HHLA1: variants seen among roughly 807,000 people sequenced by gnomAD.
HHLA1 encodes the protein HHLA1 neighbor of OC90.
A neutral mutation model predicts 69.9 loss-of-function variants in HHLA1; 72 were observed. That is an observed-to-expected ratio of 1.03 (90% CI 0.85 to 1.25). The LOEUF is 1.25. Ranked by LOEUF, HHLA1 falls within the 50% of genes most tolerant of loss-of-function variation. The pLI, the probability that HHLA1 is intolerant of heterozygous loss-of-function variation, is 0.00. For synonymous variants in HHLA1, 252 were observed against 233.2 expected (o/e 1.08, Z -0.73); for missense variants, 685 against 642.2 (o/e 1.07, Z -0.72).
At chr8:132,088,920 A>G (rs949921430) in intron 8 of HHLA1, among the ~76,000 whole-genome samples, 1 of 152,148 alleles carries the variant, frequency 6.6e-6, no homozygotes, top group Non-Finnish European at 1.5e-5. Flanking sequence ...AGCTGTTACT[A>G]TTTCTCTTTC....
intron 1 of HHLA1, among the ~76,000 whole-genome samples, chr8:132,105,509 G>A (rs1824189815): frequency 6.6e-6 from 1 of 152,126 alleles, no homozygotes; most frequent in Non-Finnish European, 1.5e-5. Context: ...CATTTTGGTG[G>A]GGAGCTCTGC....
intron 15 of HHLA1, among the ~76,000 whole-genome samples, chr8:132,067,937 C>T (rs1264426574): frequency 6.6e-6 from 1 of 152,218 alleles, no homozygotes; most frequent in Non-Finnish European, 1.5e-5. Context: ...TCAAGCCCTG[C>T]CCTCTCTATA....
intron 1 of HHLA1, among the ~76,000 whole-genome samples, chr8:132,106,031 T>C (rs1322104436): frequency 1.3e-5 from 2 of 152,222 alleles, no homozygotes; most frequent in Non-Finnish European, 2.9e-5. Context: ...TATTGAGCAC[T>C]TTCTGTGTGC....
intron 10 of HHLA1, among the ~76,000 whole-genome samples, chr8:132,087,367 C>T (rs1352698431): frequency 6.6e-6 from 1 of 152,002 alleles, no homozygotes; most frequent in Non-Finnish European, 1.5e-5. Context: ...AGGGGGCAGA[C>T]AGGACTATGG....
At chr8:132,072,332 A>G (rs1375564351) in intron 14 of HHLA1, among the ~76,000 whole-genome samples, 1 of 152,202 alleles carries the variant, frequency 6.6e-6, no homozygotes, top group Non-Finnish European at 1.5e-5. Flanking sequence ...TCCCTATCAT[A>G]TAGAATGACT....
At chr8:132,092,868 T>C (rs1382144738) in intron 7 of HHLA1, among the ~76,000 whole-genome samples, 1 of 152,202 alleles carries the variant, frequency 6.6e-6, no homozygotes, top group African/African-American at 2.4e-5. Flanking sequence ...CCTTAGGCTA[T>C]GAGAACACAG....
chr8:132,110,457 T>C (rs1235686786), intron 1 of HHLA1, among the ~76,000 whole-genome samples: 1 of 152,202 alleles, frequency 6.6e-6, no homozygotes, highest in Non-Finnish European at 1.5e-5. Context: ...AAAAAATACC[T>C]AATGACAGAA....
chr8:132,101,337 C>T (rs1414806377), intron 3 of HHLA1: 95 of 1,523,518 alleles, frequency 6.2e-5, no homozygotes, highest in Non-Finnish European at 8.1e-5. Flanking sequence ...CAGTTCATAA[C>T]ATCCTTAGAA....
Position 132,079,752 on chromosome 8 carries a change from T to A in HHLA1, c.891A>T (p.Thr297=). Residue 297 remains threonine (T), a synonymous_variant, in exon 11 of 17, where the codon ACA becomes ACT. Coordinates refer to ENST00000414222, the MANE Select transcript of HHLA1 (RefSeq NM_001145095.3). ...GGAGAGTGTGGGAGGCACTGAACCATGTGGCTGTGGCCCTGGCTGGAAGCT... is the reference window on the plus strand; with the variant it reads ...GGAGAGTGTGGGAGGCACTGAACCAAGTGGCTGTGGCCCTGGCTGGAAGCT... ...PPELPARATA[T]WFSASHTLPA... 10 of 1,551,398 alleles carry A rather than the reference T, an allele frequency of 6.4e-6. No individual in the cohort carries two copies. Among genetic ancestry groups the A allele is most frequent in the Non-Finnish European group, 8.7e-6 (10 of 1,146,850 alleles).
At chr8:132,085,517 G>A (rs1017568285) in intron 10 of HHLA1, 26 of 346,332 alleles carry the variant, frequency 7.5e-5, no homozygotes, top group Middle Eastern at 9.4e-4. Flanking sequence ...GATTTCCCAA[G>A]GGAGGTCCCC....
At chr8:132,090,943 TAGAGAC>T (rs1172221590) in intron 7 of HHLA1, among the ~76,000 whole-genome samples, 2 of 152,064 alleles carry the variant, frequency 1.3e-5, no homozygotes, top group East Asian at 3.9e-4. Context: ...GTATTTTTAG[TAGAGAC>T]AGGGTTTCAC....
At chr8:132,088,346 A>C (rs553857422) in intron 8 of HHLA1, among the ~76,000 whole-genome samples, 1 of 152,244 alleles carries the variant, frequency 6.6e-6, no homozygotes, top group Non-Finnish European at 1.5e-5. Flanking sequence ...GTTTTTATCT[A>C]TCCTACTTAG....
chr8:132,101,337 C>A, intron 3 of HHLA1: 1 of 1,523,634 alleles, frequency 6.6e-7, no homozygotes, highest in South Asian at 1.3e-5. Flanking sequence ...CAGTTCATAA[C>A]ATCCTTAGAA....
Position 132,079,848 on chromosome 8 carries a change from T to A in HHLA1, c.795A>T (p.Arg265Ser), listed in dbSNP as rs767644643. The change falls in exon 11 of 17, where the codon AGA becomes AGT. Residue 265 changes from arginine to serine, a missense_variant. By Grantham distance (110) the Arg-to-Ser change is moderately radical (BLOSUM62 -1). Coordinates refer to ENST00000414222, the MANE Select transcript of HHLA1 (RefSeq NM_001145095.3). Reference sequence around the variant, plus strand: ...CAGCTGTCTCTGTCCAGGGAGAGGATCTCAGAGCAGATGCCCAGGGTGTGC... The same window carrying A: ...CAGCTGTCTCTGTCCAGGGAGAGGAACTCAGAGCAGATGCCCAGGGTGTGC... The part of the protein sequence containing the change: ...TQSTPWASAL[R>S]SSPWTETAAP... 1.3e-6 allele frequency: 2 copies of A among 1,551,914 alleles called. No homozygotes were observed. The highest frequency in any genetic ancestry group is 8.7e-7 in the Non-Finnish European group (1 of 1,147,040).
At chr8:132,100,177 A>G (rs974352597) in intron 3 of HHLA1, 43 bp from the exon 4 acceptor site, 27 of 1,397,798 alleles carry the variant, frequency 1.9e-5, no homozygotes, top group African/African-American at 4.3e-5. Flanking sequence ...TGAGTGGTCC[A>G]GTTCCTACCC....
intron 5 of HHLA1, among the ~76,000 whole-genome samples, 183 bp downstream of exon 5, chr8:132,098,699 C>A (rs1321841528): frequency 1.3e-5 from 2 of 151,906 alleles, no homozygotes; most frequent in East Asian, 3.9e-4. Context: ...TGAGCTCAAG[C>A]AGCTTCCCAA....
intron 8 of HHLA1, 113 bp downstream of exon 8, chr8:132,089,403 C>T: frequency 1.4e-6 from 1 of 696,132 alleles, no homozygotes. Context: ...ATGAACGTTT[C>T]TGGCAGCCTG....
intron 1 of HHLA1, among the ~76,000 whole-genome samples, chr8:132,107,980 G>C (rs117420799): frequency 6.6e-6 from 1 of 152,248 alleles, no homozygotes; most frequent in Non-Finnish European, 1.5e-5. Context: ...TGGGTTTAAG[G>C]TCAGACAGAT....
At position 132,081,282 on chromosome 8, in the gene HHLA1, G is replaced by C. The variant is rs561353997; in HGVS notation, c.677-1316C>G. On this transcript the variant is annotated intron_variant, in intron 10 of 16. Coordinates refer to ENST00000414222, the MANE Select transcript of HHLA1 (RefSeq NM_001145095.3). ...GTTTTTTGGGGCACAGTCTAAGTTG[G>C]TCTGGTGTCTGGAATGAGAAGCATC... 4.5e-4 allele frequency among the ~76,000 whole-genome samples: 69 copies of C among 152,310 alleles called. 1 individual carries two copies. In the South Asian group the frequency reaches 4.6e-3, roughly 10 times the overall value.
Sources: allele counts gnomAD v4.1 joint callset (sites outside exome capture counted in the v4.1 genomes callset), GRCh38; gene constraint gnomAD v4.1.1; transcripts MANE v1.5; gene names NCBI Gene and HGNC (gene_info 2026-07-23, HGNC 2026-07-21).